The following WDR91 variants were observed in gnomAD, a reference collection of about 807,000 sequenced individuals.
WDR91 encodes the protein WD repeat-containing protein 91.
In WDR91, 52 loss-of-function variants were observed where a neutral mutation model predicts 88.4. That is an observed-to-expected ratio of 0.59 (90% CI 0.47 to 0.74). WDR91 has a LOEUF of 0.74. Among genes scored for constraint, WDR91 ranks in the 30% least tolerant of loss-of-function variants. The pLI is 0.00. For missense variants in WDR91, 824 were observed against 954.5 expected, an observed-to-expected ratio of 0.86 and a Z score of 1.80; for synonymous variants, 362 against 389.5, an observed-to-expected ratio of 0.93 and a Z score of 0.83.
chr7:135,205,038 G>A (rs1177108390), intron 5 of WDR91, among the ~76,000 whole-genome samples: 3 of 152,072 alleles, frequency 2.0e-5, no homozygotes, highest in Admixed American at 6.6e-5. Context: ...TCTGGAATCC[G>A]GCTGCCTGGG....
In WDR91 at chr7:135,196,014, ACT is replaced by A. The variant is rs1016846674; in HGVS notation, c.1244+128_1244+129del. On this transcript the variant is annotated intron_variant, in intron 8 of 14. Coordinates refer to ENST00000354475, the MANE Select transcript of WDR91 (RefSeq NM_014149.4). This position sits in a 1 kb window ranked among gnomAD's most constrained non-coding sequence, Gnocchi z 4.2. ...CTGGCAGCTCCAACCGACTCCCATG[ACT>A]CTACTGCCATGACTGTGGCCCTCGT... 8.6e-5 allele frequency: 74 copies of A among 861,560 alleles called. No homozygotes were observed. Among genetic ancestry groups the A allele is most frequent in the Non-Finnish European group, 1.1e-4 (65 of 597,596 alleles). 53.4% of individuals were successfully genotyped at this position (861,560 alleles called of 1,614,324 possible).
Position 135,197,995 on chromosome 7 carries a change from G to C in WDR91, c.1048C>G (p.Gln350Glu), listed in dbSNP as rs763587537. The C allele has an allele frequency of 1.9e-6, 3 of 1,614,024 alleles. No individual in the cohort carries two copies. The African/African-American group carries it at 4.0e-5, about 22-fold the overall frequency. The change falls in exon 7 of 15, where the codon CAG (glutamine) becomes GAG (glutamate). Residue 350 changes from glutamine to glutamate, a missense_variant and splice_region_variant. Gln to Glu is a conservative substitution (Grantham distance 29). Transcript: ENST00000354475. ...RKELFSTTTS[Q>E]CAEKKPEASG... ...GGGTGTTCAGGACAACCCCATACCT[G>C]GGAAGTGGTTGTGGAGAAAAGCTCC... is the stretch of plus-strand genomic sequence containing the variant.
intron 5 of WDR91, among the ~76,000 whole-genome samples, chr7:135,205,097 C>T (rs2117705579): frequency 6.6e-6 from 1 of 150,654 alleles, no homozygotes; most frequent in African/African-American, 2.4e-5. Flanking sequence ...GTGTGTACCT[C>T]TGTTTCTTCA....
chr7:135,203,325 C>G (rs1831639630), intron 6 of WDR91, among the ~76,000 whole-genome samples: 1 of 152,216 alleles, frequency 6.6e-6, no homozygotes, highest in Non-Finnish European at 1.5e-5. Context: ...TGGTCTCACA[C>G]CGAGGCTGGT....
At chr7:135,186,825 G>C in intron 14 of WDR91, 147 bp downstream of exon 14, 1 of 960,154 alleles carries the variant, frequency 1.0e-6, no homozygotes, top group Non-Finnish European at 1.6e-6. Context: ...CCCAGCACTA[G>C]CTAGCCAGCG....
chr7:135,206,148 A>G, intron 4 of WDR91, 90 bp from the exon 5 acceptor site: 1 of 1,563,452 alleles, frequency 6.4e-7, no homozygotes, highest in Admixed American at 1.7e-5. Flanking sequence ...ATCCAAGCCC[A>G]CTGGTCTGAG....
chr7:135,185,988 C>T lies in WDR91; in HGVS notation c.*163G>A. The T allele has an allele frequency of 1.3e-6, 1 of 754,308 alleles. No homozygotes were observed. Among genetic ancestry groups the T allele is most frequent in the Non-Finnish European group, 2.0e-6 (1 of 504,050 alleles). 46.7% of individuals were successfully genotyped at this position (754,308 alleles called of 1,614,324 possible). ...CACCTACTCCACGTGGGTCCCATTC[C>T]AGTCACCACAGATGGAAGCACCTGA... On this transcript the variant is annotated 3_prime_UTR_variant, in exon 15 of 15. Transcript: ENST00000354475.
chr7:135,200,889 G>A (rs984211835), intron 6 of WDR91, among the ~76,000 whole-genome samples: 1 of 152,136 alleles, frequency 6.6e-6, no homozygotes, highest in Non-Finnish European at 1.5e-5. Flanking sequence ...TCCAAATGGA[G>A]CAGCAAACAA....
chr7:135,189,189 A>G (rs1164481895), intron 12 of WDR91, among the ~76,000 whole-genome samples, 155 bp downstream of exon 12: 2 of 152,216 alleles, frequency 1.3e-5, no homozygotes, highest in Non-Finnish European at 2.9e-5. Context: ...GGGTGTTTTG[A>G]AAACGTTGAC....
intron 11 of WDR91, 82 bp from the exon 12 acceptor site, chr7:135,189,534 C>A: frequency 8.6e-7 from 1 of 1,164,334 alleles, no homozygotes; most frequent in African/African-American, 1.5e-5. Context: ...GACAGGTGCC[C>A]CAGACTGGGT....
At chr7:135,208,108 C>G (rs1193420631) in intron 3 of WDR91, among the ~76,000 whole-genome samples, 1 of 152,180 alleles carries the variant, frequency 6.6e-6, no homozygotes, top group South Asian at 2.1e-4. Flanking sequence ...TCTAAACACC[C>G]AAGTTTATCA....
At chr7:135,186,761 TG>T (rs1830958932) in intron 14 of WDR91, among the ~76,000 whole-genome samples, 1 of 152,234 alleles carries the variant, frequency 6.6e-6, no homozygotes, top group Non-Finnish European at 1.5e-5. Flanking sequence ...CCCAGAACAG[TG>T]CTGGCCACAG....
At chr7:135,211,289 C>T in intron 1 of WDR91, 91 bp downstream of exon 1, 1 of 1,481,912 alleles carries the variant, frequency 6.7e-7, no homozygotes, top group Non-Finnish European at 8.9e-7. Flanking sequence ...GTGACAGCGC[C>T]GCTCTCGCCC....
chr7:135,209,447 G>A, intron 2 of WDR91, 129 bp downstream of exon 2: 1 of 857,372 alleles, frequency 1.2e-6, no homozygotes, highest in Non-Finnish European at 1.7e-6. Flanking sequence ...AAAAATAATT[G>A]CACTGTAACT....
At position 135,186,418 on chromosome 7, in the gene WDR91, C is replaced by T. The variant is rs554613894; in HGVS notation, c.2080-103G>A. On this transcript the variant is annotated intron_variant, in intron 14 of 14. Transcript: ENST00000354475. Reference sequence around the variant, plus strand: ...CTGAGGATGTGCCTGAGGCCAGACACACATGCCCACCTTTCCAGAAAGTCT... The same window carrying T: ...CTGAGGATGTGCCTGAGGCCAGACATACATGCCCACCTTTCCAGAAAGTCT... 3.1e-4 allele frequency: 376 copies of T among 1,218,878 alleles called. 2 individuals are homozygous for T. In the South Asian group the frequency reaches 5.3e-3, roughly 17 times the overall value. The allele number at this position is 1,218,878 out of a possible 1,614,324, so 75.5% of individuals were successfully genotyped here.
At chr7:135,193,699 G>A in intron 9 of WDR91, 27 bp from the exon 10 acceptor site, 3 of 1,603,998 alleles carry the variant, frequency 1.9e-6, no homozygotes, top group Non-Finnish European at 2.6e-6. Context: ...CGGGAGGTGG[G>A]AAGGATAGCA....
intron 9 of WDR91, 73 bp downstream of exon 9, chr7:135,194,861 C>A: frequency 6.3e-7 from 1 of 1,576,202 alleles, no homozygotes; most frequent in South Asian, 1.2e-5. Context: ...TGTCTTGACT[C>A]AGCCGGTGGA....
chr7:135,203,146 A>G (rs1054697456), intron 6 of WDR91, among the ~76,000 whole-genome samples: 9 of 152,224 alleles, frequency 5.9e-5, no homozygotes, highest in African/African-American at 2.2e-4. Flanking sequence ...CAGAGCTGAA[A>G]GTTAAGGTGC....
chr7:135,206,709 A>ATG (rs912824530), intron 4 of WDR91, among the ~76,000 whole-genome samples: 11 of 151,386 alleles, frequency 7.3e-5, no homozygotes, highest in African/African-American at 1.7e-4. Context: ...AACTATATAT[A>ATG]TGTGTGTGTG....
Sources: gnomAD v4.1 joint callset for allele counts (sites outside exome capture counted in the v4.1 genomes callset) on GRCh38, gnomAD v4.1.1 for gene constraint, Gnocchi (gnomAD v3.1) non-coding constraint, MANE v1.5 for transcripts, NCBI Gene and HGNC (gene_info 2026-07-23, HGNC 2026-07-21) for gene names.